CSRP1: variants seen among roughly 807,000 people sequenced by gnomAD.
CSRP1 encodes cysteine and glycine-rich protein 1.
A neutral mutation model predicts 25.4 loss-of-function variants in CSRP1; 16 were observed. The observed-to-expected ratio is 0.63, with a 90% CI of 0.43 to 0.96. The LOEUF (loss-of-function observed/expected upper bound fraction) is 0.96. Among genes scored for constraint, CSRP1 ranks in the 40% least tolerant of loss-of-function variants. The pLI is 0.00. For missense variants in CSRP1, 212 were observed against 243.6 expected, an observed-to-expected ratio of 0.87 and a Z score of 0.86; for synonymous variants, 97 against 95.3, an observed-to-expected ratio of 1.02 and a Z score of -0.10.
At chr1:201,490,373 T>C (rs1036347364) in intron 2 of CSRP1, 29 bp from the exon 3 acceptor site, 15 of 1,609,324 alleles carry the variant, frequency 9.3e-6, no homozygotes, top group East Asian at 2.2e-5. Context: ...AGCGGACGCA[T>C]TGAGTTGAAG....
intron 4 of CSRP1, 172 bp from the exon 5 acceptor site, chr1:201,485,548 AAGG>A: frequency 6.6e-6 from 4 of 608,516 alleles, no homozygotes; most frequent in Admixed American, 5.4e-5. Context: ...GTAGAGGGAG[AAGG>A]CCAGGGACCA....
rs1255747431 is a variant in CSRP1 at position 201,495,759 on chromosome 1, A to T, written c.112+433T>A. ...CAGGCCAGCCTGCAAGGGGCTGAGG[A>T]AGGAGGAGCCCCACTCTTCCTCCAG... On this transcript the variant is annotated intron_variant, in intron 2 of 5. Transcript: ENST00000340006. 5.0e-5 allele frequency: 8 copies of T among 158,784 alleles called. No individual in the cohort carries two copies. In the Admixed American group the frequency reaches 5.1e-4, roughly 10 times the overall value. 9.8% of individuals were successfully genotyped at this position (158,784 alleles called of 1,614,324 possible). A position where few individuals can be genotyped will look rare whatever the true frequency, so the allele number is the denominator to read the frequency against.
intron 1 of CSRP1, among the ~76,000 whole-genome samples, chr1:201,503,021 C>A (rs1664713437): frequency 6.6e-6 from 1 of 151,742 alleles, no homozygotes; most frequent in Non-Finnish European, 1.5e-5. Flanking sequence ...TGGTGCACAC[C>A]TGTAATCCCA....
intron 1 of CSRP1, among the ~76,000 whole-genome samples, chr1:201,499,553 A>G (rs1183666270): frequency 2.0e-5 from 3 of 152,170 alleles, no homozygotes; most frequent in Non-Finnish European, 4.4e-5. Context: ...GAACTCAGCC[A>G]TGGCACCCAC....
In CSRP1 at chr1:201,496,317, A is replaced by G; in HGVS notation, c.-1-13T>C. 6.3e-7 allele frequency: 1 copy of G among 1,583,158 alleles called. No individual in the cohort carries two copies. Among genetic ancestry groups the G allele is most frequent in the South Asian group, 1.1e-5 (1 of 90,456 alleles). ...CCAGTTCGGCATTCTGAAAAGGGAC[A>G]CAGAAATGGGAATTAATTTTACAGG... On this transcript the variant is annotated splice_polypyrimidine_tract_variant and intron_variant, in intron 1 of 5. Coordinates refer to ENST00000340006, the MANE Select transcript of CSRP1 (RefSeq NM_004078.3).
At chr1:201,502,110 C>G (rs963946739) in intron 1 of CSRP1, among the ~76,000 whole-genome samples, 2 of 152,158 alleles carry the variant, frequency 1.3e-5, no homozygotes, top group African/African-American at 4.8e-5. Flanking sequence ...TGTCTGAAGG[C>G]AAGCCCCTTC....
intron 1 of CSRP1, among the ~76,000 whole-genome samples, chr1:201,501,640 C>T (rs923577402): frequency 1.3e-5 from 2 of 152,138 alleles, no homozygotes; most frequent in Non-Finnish European, 1.5e-5. Context: ...GCAGCTCTTA[C>T]AGCAGCAGCA....
chr1:201,498,492 A>G (rs932326107), intron 1 of CSRP1, among the ~76,000 whole-genome samples: 15 of 152,214 alleles, frequency 9.9e-5, no homozygotes, highest in Admixed American at 3.3e-4. Flanking sequence ...GAAATGTTGA[A>G]AACCGGGATG....
At position 201,484,089 on chromosome 1, in the gene CSRP1, C is replaced by G. The variant is rs1374844687; in HGVS notation, c.*624G>C. On this transcript the variant is annotated 3_prime_UTR_variant, in exon 6 of 6. Transcript: ENST00000340006. ...GACCTGGGTTATTCTCCTCCCAGTC[C>G]TAGTGGGAGGCTATCCATTCCACAA... is the stretch of plus-strand genomic sequence containing the variant. 1 of 681,244 alleles carries G rather than the reference C, an allele frequency of 1.5e-6. No individual in the cohort carries two copies. Among genetic ancestry groups the G allele is most frequent in the African/African-American group, 1.8e-5 (1 of 57,028 alleles). 42.2% of individuals were successfully genotyped at this position (681,244 alleles called of 1,614,324 possible).
intron 5 of CSRP1, 38 bp downstream of exon 5, chr1:201,485,245 G>T: frequency 6.3e-7 from 1 of 1,586,802 alleles, no homozygotes; most frequent in Non-Finnish European, 8.7e-7. Context: ...CTACCCCCTT[G>T]GGCCTCCTGA....
intron 1 of CSRP1, among the ~76,000 whole-genome samples, chr1:201,497,153 G>A (rs984157805): frequency 2.0e-5 from 3 of 151,966 alleles, no homozygotes; most frequent in African/African-American, 7.3e-5. Context: ...GAGTTCCGGA[G>A]TTCCAGATCA....
chr1:201,496,486 T>C, intron 1 of CSRP1, 182 bp from the exon 2 acceptor site: 1 of 613,324 alleles, frequency 1.6e-6, no homozygotes, highest in Non-Finnish European at 2.9e-6. Flanking sequence ...TCGCACGTTC[T>C]CGGGGATTTC....
At chr1:201,488,824 C>A (rs367915083) in intron 4 of CSRP1, 31 bp downstream of exon 4, 2 of 1,608,604 alleles carry the variant, frequency 1.2e-6, no homozygotes, top group Non-Finnish European at 1.7e-6. Context: ...ATATCTCCCC[C>A]CATCCCTCTC....
chr1:201,498,466 C>A lies in CSRP1; in HGVS notation c.-1-2162G>T, dbSNP rs989908404. 3.9e-5 allele frequency among the ~76,000 whole-genome samples: 6 copies of A among 152,148 alleles called. No individual in the cohort carries two copies. The East Asian group carries it at 1.2e-3, about 29-fold the overall frequency. On this transcript the variant is annotated intron_variant, in intron 1 of 5. Transcript: ENST00000340006. ...CAAAGGAGCCTAAGGAGAGAGCTCA[C>A]GGAACCTGTCACATGGAAATGTTGA...
intron 1 of CSRP1, among the ~76,000 whole-genome samples, chr1:201,504,541 CTAGCAAGCCAACGTTTCACA>C (rs1447758921): frequency 1.1e-3 from 173 of 152,360 alleles, no homozygotes; most frequent in African/African-American, 4.0e-3. Context: ...GTGTCTTCAT[CTAGCAAGCCAACGTTTCACA>C]ATAAGCTAGG....
At position 201,503,811 on chromosome 1, in the gene CSRP1, T is replaced by C. The variant is rs1664736495; in HGVS notation, c.-2+3259A>G. 2.0e-5 allele frequency among the ~76,000 whole-genome samples: 3 copies of C among 152,266 alleles called. No individual in the cohort carries two copies. In the South Asian group the frequency reaches 6.2e-4, roughly 32 times the overall value. ...CCCTCCCCTCAAGTTTTGCTAGCTC[T>C]CTCTTTCTCAAGCACGCTCTTTTCC... On this transcript the variant is annotated intron_variant, in intron 1 of 5. Coordinates refer to ENST00000340006, the MANE Select transcript of CSRP1 (RefSeq NM_004078.3).
chr1:201,488,569 C>CT, intron 4 of CSRP1: 1 of 234,026 alleles, frequency 4.3e-6, no homozygotes, highest in Non-Finnish European at 8.4e-6. Flanking sequence ...TCCACGTACC[C>CT]TTACTTTCTG....
chr1:201,497,652 C>A (rs895593235), intron 1 of CSRP1, among the ~76,000 whole-genome samples: 13 of 152,288 alleles, frequency 8.5e-5, no homozygotes, highest in African/African-American at 2.9e-4. Flanking sequence ...GATCCTGCCA[C>A]TCATTAGCTG....
At chr1:201,486,809 C>T (rs1664160426) in intron 4 of CSRP1, 5 of 1,065,122 alleles carry the variant, frequency 4.7e-6, no homozygotes, top group Non-Finnish European at 4.6e-6. Flanking sequence ...ATGCAAAATT[C>T]TCTTATCCTA....
Sources: allele counts gnomAD v4.1 joint callset (sites outside exome capture counted in the v4.1 genomes callset), GRCh38; gene constraint gnomAD v4.1.1; transcripts MANE v1.5; gene names NCBI Gene and HGNC (gene_info 2026-07-23, HGNC 2026-07-21).